KCNJ4: variants seen among roughly 807,000 people sequenced by gnomAD.
KCNJ4 encodes inward rectifier potassium channel 4.
A neutral mutation model predicts 25.6 loss-of-function variants in KCNJ4; 3 were observed. The observed-to-expected ratio is 0.12, with a 90% CI of 0.05 to 0.30. The LOEUF (loss-of-function observed/expected upper bound fraction) is 0.30. KCNJ4 is among the 10% of genes least tolerant of loss of function. The pLI, the probability that KCNJ4 is intolerant of heterozygous loss-of-function variation, is 1.00. For missense variants in KCNJ4, 286 were observed against 666.8 expected, an observed-to-expected ratio of 0.43 and a Z score of 6.29; for synonymous variants, 257 against 283.9, an observed-to-expected ratio of 0.91 and a Z score of 0.95.
chr22:38,452,554 G>C (rs949755440), intron 1 of KCNJ4, among the ~76,000 whole-genome samples: 4 of 152,332 alleles, frequency 2.6e-5, no homozygotes, highest in Admixed American at 2.6e-4. Context: ...CCTCGTGCAG[G>C]GGGAGCGGCG....
chr22:38,432,218 C>T (rs944068605), intron 1 of KCNJ4, among the ~76,000 whole-genome samples: 2 of 149,166 alleles, frequency 1.3e-5, no homozygotes, highest in Admixed American at 1.3e-4. Context: ...ATTGAGTGAC[C>T]GCACTCTAGA....
chr22:38,438,687 GA>G (rs61202067), intron 1 of KCNJ4, among the ~76,000 whole-genome samples: 60 of 130,614 alleles, frequency 4.6e-4, no homozygotes, highest in Admixed American at 6.5e-4. Flanking sequence ...GAGTCCTTCT[GA>G]AAAAAAAAAA....
chr22:38,439,124 G>A (rs2145940432), intron 1 of KCNJ4, among the ~76,000 whole-genome samples: 1 of 152,254 alleles, frequency 6.6e-6, no homozygotes, highest in South Asian at 2.1e-4. Context: ...CATGCCTATA[G>A]TCCCAGCTAC....
chr22:38,451,767 C>A (rs968604739), intron 1 of KCNJ4, among the ~76,000 whole-genome samples: 4 of 152,102 alleles, frequency 2.6e-5, no homozygotes, highest in Non-Finnish European at 5.9e-5. Context: ...TTTTGTAAAA[C>A]AATGGCCCTG....
intron 1 of KCNJ4, among the ~76,000 whole-genome samples, chr22:38,436,754 C>G (rs1363081664): frequency 6.6e-6 from 1 of 152,306 alleles, no homozygotes; most frequent in African/African-American, 2.4e-5. Context: ...TCACAATGAT[C>G]TCAGAGGAAA....
Position 38,455,165 on chromosome 22 carries a change from G to A in KCNJ4, c.-225C>T, listed in dbSNP as rs1246419034. The A allele has an allele frequency of 6.7e-6, 1 of 148,280 alleles. No homozygotes were observed. Among genetic ancestry groups the A allele is most frequent in the Non-Finnish European group, 1.5e-5 (1 of 66,680 alleles). 9.2% of individuals were successfully genotyped at this position (148,280 alleles called of 1,614,324 possible). On this transcript the variant is annotated 5_prime_UTR_variant, in exon 1 of 2. Transcript: ENST00000303592. The stretch of plus-strand genomic sequence containing the variant: ...GCTCGGTCTGCGCGTGGGTCTTGGG[G>A]TCTCCGCGCGTCCCGGCCGTCCCGC...
At chr22:38,439,907 G>A (rs185076376) in intron 1 of KCNJ4, among the ~76,000 whole-genome samples, 3 of 148,266 alleles carry the variant, frequency 2.0e-5, no homozygotes, top group East Asian at 2.0e-4. Context: ...TGGCTAACAC[G>A]GTGAAACCCC....
At chr22:38,452,779 C>T (rs1355702453) in intron 1 of KCNJ4, among the ~76,000 whole-genome samples, 1 of 151,232 alleles carries the variant, frequency 6.6e-6, no homozygotes, top group Non-Finnish European at 1.5e-5. Flanking sequence ...CCCATCTCTT[C>T]CCCAGCTAGC....
In KCNJ4 at chr22:38,428,112, G is replaced by A. The variant is rs111735801; in HGVS notation, c.21C>T (p.Asn7=). The change falls in exon 2 of 2, where the codon AAC becomes AAT. Residue 7 remains asparagine, a synonymous_variant. Coordinates refer to ENST00000303592, the MANE Select transcript of KCNJ4 (RefSeq NM_152868.3). ...TCCGCCGGGGCACGTGGGCCTGGCC[G>A]TTGCGGCTGTGTCCGTGCATGTCCT... MHGHSR[N]GQAHVPRRKR... The A allele has an allele frequency of 1.6e-5, 25 of 1,611,716 alleles. No individual in the cohort carries two copies. Among genetic ancestry groups the A allele is most frequent in the Non-Finnish European group, 1.9e-5 (22 of 1,178,858 alleles).
At chr22:38,445,368 G>C (rs1335758437) in intron 1 of KCNJ4, among the ~76,000 whole-genome samples, 5 of 152,196 alleles carry the variant, frequency 3.3e-5, no homozygotes, top group Non-Finnish European at 5.9e-5. Flanking sequence ...ATCGGAACCT[G>C]AGCATCAGAA....
intron 1 of KCNJ4, among the ~76,000 whole-genome samples, chr22:38,440,070 C>G (rs986025232): frequency 1.2e-4 from 18 of 149,314 alleles, no homozygotes; most frequent in Admixed American, 2.7e-4. Context: ...TGCACTCCAG[C>G]CTGGGTGACA....
chr22:38,437,078 G>A (rs2093067540), intron 1 of KCNJ4, among the ~76,000 whole-genome samples: 1 of 152,236 alleles, frequency 6.6e-6, no homozygotes, highest in Non-Finnish European at 1.5e-5. Context: ...AAACGCTGGA[G>A]ACCAAGCTTT....
At chr22:38,452,215 G>C (rs2089414120) in intron 1 of KCNJ4, among the ~76,000 whole-genome samples, 2 of 152,338 alleles carry the variant, frequency 1.3e-5, no homozygotes, top group South Asian at 4.1e-4. Context: ...AAGATCTTAA[G>C]TGGCCAGCCG....
At position 38,426,960 on chromosome 22, in the gene KCNJ4, T is replaced by C; in HGVS notation, c.1173A>G (p.Ala391=). The C allele has an allele frequency of 6.2e-7, 1 of 1,612,644 alleles. No individual in the cohort carries two copies. The highest frequency in any genetic ancestry group is 8.5e-7 in the Non-Finnish European group (1 of 1,179,796). The change falls in exon 2 of 2, where the codon GCA becomes GCG. Residue 391 remains alanine, a synonymous_variant. Coordinates refer to ENST00000303592, the MANE Select transcript of KCNJ4 (RefSeq NM_152868.3). ...CTGCGGCCACCGCGGCCGCCGCAGC[T>C]GCCTCCTCCTCCATCTCCTCTTCCT... is the stretch of plus-strand genomic sequence containing the variant. The part of the protein sequence containing the change: ...SQEEEEMEEE[A]AAAAAVAAGL...
intron 1 of KCNJ4, among the ~76,000 whole-genome samples, chr22:38,435,858 C>T (rs2093064033): frequency 6.6e-6 from 1 of 152,138 alleles, no homozygotes; most frequent in Non-Finnish European, 1.5e-5. Context: ...AGGAAGAGAA[C>T]TCAAGACCCC....
Position 38,426,602 on chromosome 22 carries a change from C to T in KCNJ4, c.*193G>A, listed in dbSNP as rs879868937. On this transcript the variant is annotated 3_prime_UTR_variant, in exon 2 of 2. Coordinates refer to ENST00000303592, the MANE Select transcript of KCNJ4 (RefSeq NM_152868.3). ...AGGCGCTGGCGGAACTCAGGCTGAT[C>T]GGGGCCGAGCTCTTCCCAGGCCTGG... is the stretch of plus-strand genomic sequence containing the variant. The T allele has an allele frequency of 2.8e-5, 19 of 668,092 alleles. No homozygotes were observed. Among genetic ancestry groups the T allele is most frequent in the African/African-American group, 1.1e-4 (6 of 55,256 alleles). 41.4% of individuals were successfully genotyped at this position (668,092 alleles called of 1,614,324 possible). A position where few individuals can be genotyped will look rare whatever the true frequency, so the allele number is the denominator to read the frequency against.
Position 38,449,238 on chromosome 22 carries a change from G to T in KCNJ4, c.-40+5742C>A, listed in dbSNP as rs113699573. Among the ~76,000 whole-genome samples, 3 of 152,254 alleles carry T rather than the reference G, an allele frequency of 2.0e-5. No homozygotes were observed. The highest frequency in any genetic ancestry group is 7.2e-5 in the African/African-American group (3 of 41,552). On this transcript the variant is annotated intron_variant, in intron 1 of 1. Coordinates refer to ENST00000303592, the MANE Select transcript of KCNJ4 (RefSeq NM_152868.3). The surrounding 1 kb of genome is among the most constrained non-coding windows in gnomAD (Gnocchi z 5.2). The stretch of plus-strand genomic sequence containing the variant: ...CACCTCCCTTCAGGTGGCCAATGAG[G>T]GTCCTGGAGGGGCTGGCACTGGGTG...
chr22:38,433,678 T>A (rs2093057000), intron 1 of KCNJ4, among the ~76,000 whole-genome samples: 1 of 152,246 alleles, frequency 6.6e-6, no homozygotes, highest in Admixed American at 6.5e-5. Flanking sequence ...CCAGACTTCA[T>A]TAGCCAGCTG....
At chr22:38,442,081 C>G (rs1007232396) in intron 1 of KCNJ4, among the ~76,000 whole-genome samples, 1 of 151,970 alleles carries the variant, frequency 6.6e-6, no homozygotes, top group African/African-American at 2.4e-5. Context: ...ATTGGCTGCT[C>G]CGGGGAGGGA....
Sources: allele counts gnomAD v4.1 joint callset (sites outside exome capture counted in the v4.1 genomes callset), GRCh38; gene constraint gnomAD v4.1.1; non-coding constraint Gnocchi (gnomAD v3.1); transcripts MANE v1.5; gene names NCBI Gene and HGNC (gene_info 2026-07-23, HGNC 2026-07-21).